The following NT5C2 variants were observed in gnomAD, a reference collection of about 807,000 sequenced individuals.
NT5C2 encodes the protein 5'-nucleotidase, cytosolic II.
Under a neutral mutation model 76.1 loss-of-function variants are expected in NT5C2, and 58 were observed. That is an observed-to-expected ratio of 0.76 (90% CI 0.62 to 0.95). NT5C2 has a LOEUF of 0.95. Ranked by LOEUF, NT5C2 falls within the 40% of genes least tolerant of loss-of-function variation. The pLI is 0.00. For synonymous variants in NT5C2, 229 were observed against 237.4 expected (o/e 0.96, Z 0.32); for missense variants, 478 against 690.3 (o/e 0.69, Z 3.45).
intron 4 of NT5C2, among the ~76,000 whole-genome samples, chr10:103,116,587 C>CTTT (rs11451961): frequency 7.9e-5 from 10 of 126,220 alleles, no homozygotes; most frequent in South Asian, 2.6e-4. Flanking sequence ...TTTTTTTTTT[C>CTTT]TTTTTTTTTT....
At chr10:103,113,574 G>C (rs1046917233) in intron 4 of NT5C2, among the ~76,000 whole-genome samples, 1 of 151,676 alleles carries the variant, frequency 6.6e-6, no homozygotes, top group Non-Finnish European at 1.5e-5. Context: ...ACAAACATTT[G>C]GATACCTACA....
chr10:103,155,423 A>C (rs1348074418), intron 3 of NT5C2, among the ~76,000 whole-genome samples: 2 of 152,226 alleles, frequency 1.3e-5, no homozygotes, highest in Non-Finnish European at 2.9e-5. Context: ...CAAAACTTAA[A>C]TGCTGGGATT....
rs2082919586 is a variant in NT5C2 at position 103,154,253 on chromosome 10, C to T, written c.102-14774G>A. On this transcript the variant is annotated intron_variant, in intron 3 of 18. Coordinates refer to ENST00000404739, the MANE Select transcript of NT5C2 (RefSeq NM_001351169.2). ...ATACATATACCTTAAAGAACTACTA[C>T]TTGAATTAAGGCTTAAAATTTTTAA... 3.3e-5 allele frequency among the ~76,000 whole-genome samples: 5 copies of T among 152,098 alleles called. No individual in the cohort carries two copies. The South Asian group carries it at 8.3e-4, about 25-fold the overall frequency.
intron 4 of NT5C2, among the ~76,000 whole-genome samples, chr10:103,135,452 C>G (rs2078994922): frequency 6.6e-6 from 1 of 152,074 alleles, no homozygotes; most frequent in Admixed American, 6.5e-5. Flanking sequence ...GCTGGGGATT[C>G]CCCAGCCAGG....
In NT5C2 at chr10:103,174,542, G is replaced by T. The variant is rs140479180; in HGVS notation, c.101+316C>A. Among the ~76,000 whole-genome samples the T allele has an allele frequency of 6.3e-3, 952 of 152,262 alleles. 3 individuals are homozygous for T. The highest frequency in any genetic ancestry group is 0.02 in the Middle Eastern group (6 of 294). ...GCCAAGATTGCGCCATTGTACTCCA[G>T]CCTGGGCAACAGAGCAAGACTCTGT... On this transcript the variant is annotated intron_variant, in intron 3 of 18. Transcript: ENST00000404739.
At chr10:103,177,725 C>T (rs1186622068) in intron 2 of NT5C2, among the ~76,000 whole-genome samples, 1 of 152,150 alleles carries the variant, frequency 6.6e-6, no homozygotes, top group Non-Finnish European at 1.5e-5. Flanking sequence ...GACAGGGTCT[C>T]ATTATGTTGT....
chr10:103,109,083 C>A (rs1286608094), intron 4 of NT5C2, among the ~76,000 whole-genome samples: 1 of 152,118 alleles, frequency 6.6e-6, no homozygotes, highest in East Asian at 1.9e-4. Flanking sequence ...CTCCTGACCT[C>A]AAGTGATCCG....
chr10:103,183,592 T>G (rs1362012865), intron 1 of NT5C2, among the ~76,000 whole-genome samples: 2 of 148,644 alleles, frequency 1.3e-5, no homozygotes, highest in Non-Finnish European at 3.0e-5. Flanking sequence ...CTCAGCTCAC[T>G]GCAAGCTCTG....
At chr10:103,103,722 A>G (rs939334185) in intron 6 of NT5C2, among the ~76,000 whole-genome samples, 1 of 152,228 alleles carries the variant, frequency 6.6e-6, no homozygotes, top group African/African-American at 2.4e-5. Flanking sequence ...ATCAAAAAAT[A>G]AGGTCCTAAC....
rs369164108 is a variant in NT5C2 at position 103,173,606 on chromosome 10, C to T, written c.101+1252G>A. Among the ~76,000 whole-genome samples, 3 of 112,954 alleles carry T rather than the reference C, an allele frequency of 2.7e-5. No homozygotes were observed. In the East Asian group the frequency reaches 8.0e-4, roughly 30 times the overall value. 74.1% of individuals were successfully genotyped at this position (112,954 alleles called of 152,430 possible). A position where few individuals can be genotyped will look rare whatever the true frequency, so the allele number is the denominator to read the frequency against. On this transcript the variant is annotated intron_variant, in intron 3 of 18. Transcript: ENST00000404739. Reference sequence around the variant, plus strand: ...CAGCCTGGGCCAGGGAGCGAGACGCCGTCTCAAAAAAAAAAAAAAAAAAAA... The same window carrying T: ...CAGCCTGGGCCAGGGAGCGAGACGCTGTCTCAAAAAAAAAAAAAAAAAAAA...
At chr10:103,182,879 T>C (rs190330971) in intron 1 of NT5C2, among the ~76,000 whole-genome samples, 6 of 152,294 alleles carry the variant, frequency 3.9e-5, no homozygotes, top group African/African-American at 1.4e-4. Flanking sequence ...ATGCCTCATA[T>C]TGTACTAAAT....
At chr10:103,170,789 AG>A (rs1456755030) in intron 3 of NT5C2, among the ~76,000 whole-genome samples, 2 of 152,036 alleles carry the variant, frequency 1.3e-5, no homozygotes, top group Admixed American at 6.6e-5. Context: ...GGCCTCCCAA[AG>A]TGTGTGGACT....
intron 6 of NT5C2, among the ~76,000 whole-genome samples, chr10:103,103,759 T>C (rs1197334376): frequency 6.6e-6 from 1 of 152,230 alleles, no homozygotes; most frequent in Non-Finnish European, 1.5e-5. Context: ...ATGGAGTCCT[T>C]CTTTTCCAGC....
At chr10:103,155,983 C>T (rs2083285864) in intron 3 of NT5C2, among the ~76,000 whole-genome samples, 1 of 151,994 alleles carries the variant, frequency 6.6e-6, no homozygotes, top group Non-Finnish European at 1.5e-5. Flanking sequence ...GGGCAACATA[C>T]AAGATCCTGT....
chr10:103,106,830 T>C, intron 4 of NT5C2, 124 bp from the exon 5 acceptor site: 1 of 697,448 alleles, frequency 1.4e-6, no homozygotes. Flanking sequence ...TTTTTCTTCT[T>C]CCCCCTCAAA....
chr10:103,188,231 G>A (rs746423361), intron 1 of NT5C2, among the ~76,000 whole-genome samples: 1 of 152,060 alleles, frequency 6.6e-6, no homozygotes, highest in East Asian at 1.9e-4. Context: ...GGTGGCGGGC[G>A]CCTGTAATCC....
At chr10:103,189,267 G>C (rs1198778718) in intron 1 of NT5C2, among the ~76,000 whole-genome samples, 1 of 152,032 alleles carries the variant, frequency 6.6e-6, no homozygotes, top group Non-Finnish European at 1.5e-5. Context: ...ATAATATAAT[G>C]ATCATTTGAT....
chr10:103,165,675 ATT>A (rs35146429), intron 3 of NT5C2, among the ~76,000 whole-genome samples: 33 of 142,576 alleles, frequency 2.3e-4, no homozygotes, highest in African/African-American at 3.4e-4. Flanking sequence ...TCCCAAGAGA[ATT>A]TTTTTTTTTT....
chr10:103,137,406 A>C (rs1469328564), intron 4 of NT5C2, among the ~76,000 whole-genome samples: 1 of 152,254 alleles, frequency 6.6e-6, no homozygotes, highest in Non-Finnish European at 1.5e-5. Flanking sequence ...AGAAAAATTC[A>C]AATCAGGAAC....
Sources: gnomAD v4.1 joint callset for allele counts (sites outside exome capture counted in the v4.1 genomes callset) on GRCh38, gnomAD v4.1.1 for gene constraint, MANE v1.5 for transcripts, NCBI Gene and HGNC (gene_info 2026-07-23, HGNC 2026-07-21) for gene names.